The following ARHGAP20 variants were observed in gnomAD, a reference collection of about 807,000 sequenced individuals.
ARHGAP20 encodes the protein Rho GTPase activating protein 20, also known as rho GTPase-activating protein 20.
Under a neutral mutation model 73.7 loss-of-function variants are expected in ARHGAP20, and 34 were observed. The observed-to-expected ratio is 0.46, with a 90% CI of 0.35 to 0.61. The LOEUF is 0.61. Ranked by LOEUF, ARHGAP20 falls within the 20% of genes least tolerant of loss-of-function variation. The pLI, the probability that ARHGAP20 is intolerant of heterozygous loss-of-function variation, is 0.00. For synonymous variants in ARHGAP20, 523 were observed against 518.2 expected (o/e 1.01, Z -0.13); for missense variants, 1,314 against 1,420.9 (o/e 0.92, Z 1.21).
At chr11:110,664,718 A>C (rs967506003) in intron 2 of ARHGAP20, among the ~76,000 whole-genome samples, 9 of 136,208 alleles carry the variant, frequency 6.6e-5, no homozygotes, top group Non-Finnish European at 1.1e-4. Context: ...ACAGAGTGAG[A>C]CTCCGTCTCA....
intron 2 of ARHGAP20, among the ~76,000 whole-genome samples, chr11:110,648,841 T>C (rs536403624): frequency 7.9e-5 from 12 of 152,292 alleles, no homozygotes; most frequent in South Asian, 6.2e-4. Flanking sequence ...AATATTCTCA[T>C]GTCTTTTTTG....
chr11:110,643,988 T>G (rs540155996), intron 2 of ARHGAP20, among the ~76,000 whole-genome samples: 10 of 152,250 alleles, frequency 6.6e-5, no homozygotes, highest in South Asian at 6.2e-4. Context: ...AATTGAACCC[T>G]TTATCATTAT....
At chr11:110,688,915 G>A (rs753459133) in intron 2 of ARHGAP20, among the ~76,000 whole-genome samples, 14 of 152,076 alleles carry the variant, frequency 9.2e-5, no homozygotes, top group Non-Finnish European at 2.1e-4. Flanking sequence ...AGAAAGTGAC[G>A]TGAGTGTTTT....
At chr11:110,634,690 A>C (rs1251478634) in intron 2 of ARHGAP20, among the ~76,000 whole-genome samples, 1 of 152,150 alleles carries the variant, frequency 6.6e-6, no homozygotes, top group Non-Finnish European at 1.5e-5. Flanking sequence ...TAGGACTAGA[A>C]GATCTTTAAA....
chr11:110,577,415 G>GCAA lies in ARHGAP20; in HGVS notation c.*1952_*1954dup, dbSNP rs1171076945. 2 of 1,128,632 alleles carry GCAA rather than the reference G, an allele frequency of 1.8e-6. No homozygotes were observed. Among genetic ancestry groups the GCAA allele is most frequent in the African/African-American group, 3.2e-5 (2 of 61,578 alleles). The allele number at this position is 1,128,632 out of a possible 1,614,324, so 69.9% of individuals were successfully genotyped here. A position where few individuals can be genotyped will look rare whatever the true frequency, so the allele number is the denominator to read the frequency against. On this transcript the variant is annotated 3_prime_UTR_variant, in exon 15 of 15. Coordinates refer to ENST00000683387, the MANE Select transcript of ARHGAP20 (RefSeq NM_001384657.1). ...TAGGAATGGTTATTAAAAAACCTCA[G>GCAA]CAACTATTTTCTTCTATGCTTCAAA...
At chr11:110,640,331 C>T (rs554645546) in intron 2 of ARHGAP20, among the ~76,000 whole-genome samples, 3 of 152,032 alleles carry the variant, frequency 2.0e-5, no homozygotes, top group East Asian at 1.9e-4. Flanking sequence ...AGATCATTAG[C>T]TTATCAAGTT....
intron 1 of ARHGAP20, among the ~76,000 whole-genome samples, chr11:110,691,968 T>A (rs77769594): frequency 2.6e-5 from 4 of 152,156 alleles, no homozygotes; most frequent in Non-Finnish European, 5.9e-5. Flanking sequence ...AGGTTACTTA[T>A]ATAAAAATTT....
At chr11:110,681,646 A>T (rs966472405) in intron 2 of ARHGAP20, among the ~76,000 whole-genome samples, 1 of 152,200 alleles carries the variant, frequency 6.6e-6, no homozygotes, top group African/African-American at 2.4e-5. Flanking sequence ...TGATGCTAAC[A>T]TGACAGAGGA....
intron 8 of ARHGAP20, among the ~76,000 whole-genome samples, chr11:110,607,177 A>G (rs1407909702): frequency 1.3e-5 from 2 of 152,232 alleles, no homozygotes; most frequent in Non-Finnish European, 2.9e-5. Flanking sequence ...TACCTACCAC[A>G]GAAGTATAAG....
At chr11:110,694,112 T>C (rs1591184175) in intron 1 of ARHGAP20, among the ~76,000 whole-genome samples, 2 of 151,986 alleles carry the variant, frequency 1.3e-5, no homozygotes, top group South Asian at 4.1e-4. Flanking sequence ...TTACCTAGTG[T>C]TAAGTAGCCC....
intron 12 of ARHGAP20, among the ~76,000 whole-genome samples, chr11:110,584,906 A>AATATATATATGAATAT (rs1947586364): frequency 8.7e-6 from 1 of 115,266 alleles, no homozygotes; most frequent in Admixed American, 1.1e-4. Flanking sequence ...AATATATGTG[A>AATATATATATGAATAT]ATATATATAT....
intron 5 of ARHGAP20, among the ~76,000 whole-genome samples, 171 bp downstream of exon 5, chr11:110,615,382 T>C (rs1387252531): frequency 6.6e-6 from 1 of 152,202 alleles, no homozygotes; most frequent in Non-Finnish European, 1.5e-5. Flanking sequence ...GAGAACATTA[T>C]TTGTAGCAAG....
intron 2 of ARHGAP20, among the ~76,000 whole-genome samples, chr11:110,658,972 C>T (rs932524842): frequency 1.3e-5 from 2 of 152,140 alleles, no homozygotes; most frequent in African/African-American, 4.8e-5. Flanking sequence ...CTAGAAAATA[C>T]CCTAGGTTCC....
chr11:110,618,203 G>T (rs1420196057), intron 4 of ARHGAP20, among the ~76,000 whole-genome samples: 1 of 152,038 alleles, frequency 6.6e-6, no homozygotes, highest in Non-Finnish European at 1.5e-5. Context: ...AAAGTCAGAA[G>T]CCCTTTATCT....
intron 2 of ARHGAP20, among the ~76,000 whole-genome samples, chr11:110,638,442 C>A (rs1403870599): frequency 6.6e-6 from 1 of 151,932 alleles, no homozygotes; most frequent in Non-Finnish European, 1.5e-5. Context: ...AGGAAGGCAA[C>A]TCAGAGTGAG....
chr11:110,588,289 T>G (rs1947726381), intron 11 of ARHGAP20, among the ~76,000 whole-genome samples: 1 of 152,206 alleles, frequency 6.6e-6, no homozygotes, highest in African/African-American at 2.4e-5. Context: ...ACCCTCAAAG[T>G]CATCTGAGAT....
intron 2 of ARHGAP20, 133 bp downstream of exon 2, chr11:110,690,414 A>G (rs1950218701): frequency 4.9e-6 from 4 of 816,866 alleles, no homozygotes; most frequent in Non-Finnish European, 7.7e-6. Flanking sequence ...TGTATTTTCT[A>G]CTCTTAAACA....
chr11:110,635,543 A>G (rs955769545), intron 2 of ARHGAP20, among the ~76,000 whole-genome samples: 14 of 151,592 alleles, frequency 9.2e-5, no homozygotes, highest in African/African-American at 3.4e-4. Flanking sequence ...TGAACTTTTG[A>G]GAGTTATTCC....
At chr11:110,631,921 C>T (rs1356035256) in intron 2 of ARHGAP20, among the ~76,000 whole-genome samples, 1 of 152,164 alleles carries the variant, frequency 6.6e-6, no homozygotes, top group Non-Finnish European at 1.5e-5. Context: ...ACTGCCTGTT[C>T]TAGAATTTTA....
Sources: allele counts gnomAD v4.1 joint callset (sites outside exome capture counted in the v4.1 genomes callset), GRCh38; gene constraint gnomAD v4.1.1; transcripts MANE v1.5; gene names NCBI Gene and HGNC (gene_info 2026-07-23, HGNC 2026-07-21).